The following DCP1B variants were observed in gnomAD, a reference collection of about 807,000 sequenced individuals.
The protein encoded by DCP1B is mRNA-decapping enzyme 1B.
DCP1B carries 47 observed loss-of-function variants against 60.5 expected under a neutral mutation model. That is an observed-to-expected ratio of 0.78 (90% CI 0.61 to 0.99). DCP1B has a LOEUF of 0.99. DCP1B is among the 50% of genes least tolerant of loss of function. The pLI is 0.00. For synonymous variants in DCP1B, 267 were observed against 280.3 expected (o/e 0.95, Z 0.47); for missense variants, 725 against 756.8 (o/e 0.96, Z 0.49).
Position 1,952,722 on chromosome 12 carries a change from G to A in DCP1B, c.1218C>T (p.Ala406=), listed in dbSNP as rs767034810. Reference sequence around the variant, plus strand: ...GAGGTGGAAGGGAGCCATTGAAATAGGCCTGTGGTGGCTGAGCCAGACCCT... The same window carrying A: ...GAGGTGGAAGGGAGCCATTGAAATAAGCCTGTGGTGGCTGAGCCAGACCCT... ...PGKGLAQPPQ[A]YFNGSLPPQT... Residue 406 remains alanine (A), a synonymous_variant, in exon 7 of 9, where the codon GCC becomes GCT. Coordinates refer to ENST00000280665, the MANE Select transcript of DCP1B (RefSeq NM_152640.5). 6.2e-7 allele frequency: 1 copy of A among 1,614,168 alleles called. No homozygotes were observed.
At chr12:1,996,630 AAAAAAAAAAAAAAAAAAAAAAAAAACAAC>A (rs1565869346) in intron 2 of DCP1B, among the ~76,000 whole-genome samples, 2 of 113,004 alleles carry the variant, frequency 1.8e-5, no homozygotes, top group African/African-American at 4.1e-5. Flanking sequence ...AAAAAAAAAA[AAAAAAAAAAAAAAAAAAAAAAAAAACAAC>A]AAACTCTTCT....
Position 1,978,748 on chromosome 12 carries a change from T to C in DCP1B, c.320-10838A>G, listed in dbSNP as rs149191632. On this transcript the variant is annotated intron_variant, in intron 3 of 8. Coordinates refer to ENST00000280665, the MANE Select transcript of DCP1B (RefSeq NM_152640.5). ...TATCACCCTAGATTAGTTTTGCCTG[T>C]TCTTCAACTTCATATAAACTTCATA... is the stretch of plus-strand genomic sequence containing the variant. Among the ~76,000 whole-genome samples the C allele has an allele frequency of 7.8e-3, 1,193 of 152,344 alleles. 9 individuals are homozygous for C. Among genetic ancestry groups the C allele is most frequent in the South Asian group, 0.015 (73 of 4,828 alleles).
intron 3 of DCP1B, among the ~76,000 whole-genome samples, chr12:1,989,800 T>C (rs183014512): frequency 6.6e-6 from 1 of 152,258 alleles, no homozygotes; most frequent in Admixed American, 6.5e-5. Context: ...TATTTCCATA[T>C]GCTAATATCT....
chr12:1,997,358 T>C lies in DCP1B; in HGVS notation c.191+577A>G, dbSNP rs542624349. Among the ~76,000 whole-genome samples the C allele has an allele frequency of 5.9e-5, 9 of 152,218 alleles. No individual in the cohort carries two copies. The South Asian group carries it at 1.2e-3, about 21-fold the overall frequency. ...CCTGACCAACATGGTGAAACCTCCGTTGCTACTAAAAATTAGCTGGGCGTG... is the reference window on the plus strand; with the variant it reads ...CCTGACCAACATGGTGAAACCTCCGCTGCTACTAAAAATTAGCTGGGCGTG... On this transcript the variant is annotated intron_variant, in intron 2 of 8. Transcript: ENST00000280665.
At chr12:1,949,422 C>T in intron 7 of DCP1B, 88 bp from the exon 8 acceptor site, 1 of 1,551,600 alleles carries the variant, frequency 6.4e-7, no homozygotes, top group East Asian at 2.3e-5. Flanking sequence ...GTGGTCTAAG[C>T]ATTCCCTGTC....
intron 5 of DCP1B, among the ~76,000 whole-genome samples, chr12:1,959,007 C>T (rs2031018574): frequency 6.8e-6 from 1 of 146,716 alleles, no homozygotes; most frequent in Admixed American, 6.8e-5. Context: ...TTTCTATAAA[C>T]CTCCTGGAAG....
chr12:1,976,532 T>G (rs2034417510), intron 3 of DCP1B, among the ~76,000 whole-genome samples: 1 of 152,204 alleles, frequency 6.6e-6, no homozygotes, highest in South Asian at 2.1e-4. Flanking sequence ...CATTCCTCAC[T>G]GCTCATGATG....
At chr12:1,989,626 T>C (rs1183037954) in intron 3 of DCP1B, among the ~76,000 whole-genome samples, 2 of 151,852 alleles carry the variant, frequency 1.3e-5, no homozygotes, top group African/African-American at 4.8e-5. Flanking sequence ...GGCAGGAGAA[T>C]TGCTTGAACT....
chr12:1,988,209 G>A (rs983956876), intron 3 of DCP1B, among the ~76,000 whole-genome samples: 1 of 152,152 alleles, frequency 6.6e-6, no homozygotes, highest in Non-Finnish European at 1.5e-5. Context: ...CAAGCTACGT[G>A]TCCATCATGG....
Position 1,966,741 on chromosome 12 carries a change from TTA to T in DCP1B, c.387-1050_387-1049del, listed in dbSNP as rs374510437. Among the ~76,000 whole-genome samples the T allele has an allele frequency of 5.5e-3, 836 of 151,866 alleles. 8 individuals are homozygous for T. The highest frequency in any genetic ancestry group is 0.019 in the African/African-American group (775 of 41,562). ...ACATGAATGTTCTAGGAACTAGTTG[TTA>T]TGGTGGTAAATACCAGTTTGAATAC... On this transcript the variant is annotated intron_variant, in intron 4 of 8. Transcript: ENST00000280665.
At chr12:1,987,979 T>C (rs1467690928) in intron 3 of DCP1B, among the ~76,000 whole-genome samples, 2 of 152,204 alleles carry the variant, frequency 1.3e-5, no homozygotes, top group African/African-American at 4.8e-5. Flanking sequence ...TTGTAAATTT[T>C]TTCTTGGATA....
intron 1 of DCP1B, among the ~76,000 whole-genome samples, chr12:2,002,284 G>A (rs938063671): frequency 1.3e-5 from 2 of 151,980 alleles, no homozygotes; most frequent in Non-Finnish European, 2.9e-5. Flanking sequence ...ACATTCAAAC[G>A]GCTCCCATCC....
intron 3 of DCP1B, among the ~76,000 whole-genome samples, chr12:1,989,485 T>G (rs904408043): frequency 2.0e-5 from 3 of 152,154 alleles, no homozygotes; most frequent in African/African-American, 7.2e-5. Flanking sequence ...GAGGCCAAGG[T>G]GGGTGATCAC....
chr12:1,946,756 G>GT, intron 8 of DCP1B, among the ~76,000 whole-genome samples: 1 of 152,314 alleles, frequency 6.6e-6, no homozygotes, highest in East Asian at 1.9e-4. Flanking sequence ...CTAAAGTGCA[G>GT]TAGTGCCATC....
intron 3 of DCP1B, among the ~76,000 whole-genome samples, chr12:1,975,885 G>A (rs146234777): frequency 1.0e-3 from 159 of 152,260 alleles, no homozygotes; most frequent in African/African-American, 3.8e-3. Context: ...CAGTTATGAT[G>A]GAGAAGTAGA....
In DCP1B at chr12:1,948,988, G is replaced by T; in HGVS notation, c.1773+98C>A. The T allele has an allele frequency of 3.4e-6, 5 of 1,481,014 alleles. No individual in the cohort carries two copies. Among genetic ancestry groups the T allele is most frequent in the Non-Finnish European group, 4.6e-6 (5 of 1,088,610 alleles). The allele number at this position is 1,481,014 out of a possible 1,614,324, so 91.7% of individuals were successfully genotyped here. On this transcript the variant is annotated intron_variant, in intron 8 of 8. Transcript: ENST00000280665. This position sits in a 1 kb window ranked among gnomAD's most constrained non-coding sequence, Gnocchi z 4.8. ...GTTACACACACCTGTTATTCTCACG[G>T]AAGCTAAGCAGGCCTTGGCTGAGTC... is the stretch of plus-strand genomic sequence containing the variant.
intron 3 of DCP1B, among the ~76,000 whole-genome samples, chr12:1,978,310 G>A (rs2035053438): frequency 6.6e-6 from 1 of 152,154 alleles, no homozygotes; most frequent in Non-Finnish European, 1.5e-5. Flanking sequence ...TACTGAAGAT[G>A]TGTTTTAGAA....
chr12:1,961,482 A>G (rs1198938990), intron 5 of DCP1B: 1 of 152,220 alleles, frequency 6.6e-6, no homozygotes, highest in African/African-American at 2.4e-5. Flanking sequence ...CATGTATTTG[A>G]TTTTTACAGA....
chr12:1,949,760 G>A (rs1379940711), intron 7 of DCP1B, among the ~76,000 whole-genome samples: 1 of 152,198 alleles, frequency 6.6e-6, no homozygotes, highest in African/African-American at 2.4e-5. Context: ...GGCGCTGTGA[G>A]AGCAACTCCC....
Sources: gnomAD v4.1 joint callset for allele counts (sites outside exome capture counted in the v4.1 genomes callset) on GRCh38, gnomAD v4.1.1 for gene constraint, Gnocchi (gnomAD v3.1) non-coding constraint, MANE v1.5 for transcripts, NCBI Gene and HGNC (gene_info 2026-07-23, HGNC 2026-07-21) for gene names.